Variants in BRWD1 observed in about 807,000 individuals in gnomAD.
BRWD1 encodes the protein bromodomain and WD repeat-containing protein 1.
A neutral mutation model predicts 251.2 loss-of-function variants in BRWD1; 82 were observed. The ratio of observed to expected loss-of-function variants is 0.33; its 90% CI spans 0.27 to 0.39. BRWD1 has a LOEUF of 0.39. Among genes scored for constraint, BRWD1 ranks in the 10% least tolerant of loss-of-function variants. The pLI, the probability that BRWD1 is intolerant of heterozygous loss-of-function variation, is 1.00. For synonymous variants in BRWD1, 918 were observed against 902.8 expected, an observed-to-expected ratio of 1.02 and a Z score of -0.30; for missense variants, 2,233 against 2,711.6, an observed-to-expected ratio of 0.82 and a Z score of 3.92.
rs2035880944 is a variant in BRWD1 at position 39,293,798 on chromosome 21, G to C, written c.831+13C>G. On this transcript the variant is annotated intron_variant, in intron 8 of 40. Coordinates refer to ENST00000342449, the MANE Select transcript of BRWD1 (RefSeq NM_033656.4). The stretch of plus-strand genomic sequence containing the variant: ...ATACATATAGGAATGTGCCCACTAA[G>C]CTACAAGTTTACCTGTAAAGATGTA... The C allele has an allele frequency of 6.2e-7, 1 of 1,604,424 alleles. No homozygotes were observed. The highest frequency in any genetic ancestry group is 1.3e-5 in the African/African-American group (1 of 74,704).
At position 39,194,861 on chromosome 21, in the gene BRWD1, T is replaced by C; in HGVS notation, c.*1398A>G. On this transcript the variant is annotated 3_prime_UTR_variant, in exon 41 of 41. Transcript: ENST00000342449. ...AAGATACACAGGAGAAAAGGGTTAATTTTGTCTGAAATCAAACACAATTAG... is the reference window on the plus strand; with the variant it reads ...AAGATACACAGGAGAAAAGGGTTAACTTTGTCTGAAATCAAACACAATTAG... 6.5e-7 allele frequency: 1 copy of C among 1,532,936 alleles called. No homozygotes were observed. The highest frequency in any genetic ancestry group is 1.7e-4 in the Middle Eastern group (1 of 5,972). 95.0% of individuals were successfully genotyped at this position (1,532,936 alleles called of 1,614,324 possible).
In BRWD1 at chr21:39,214,457, A is replaced by G. The variant is rs73357859; in HGVS notation, c.3785+780T>C. On this transcript the variant is annotated intron_variant, in intron 32 of 40. Coordinates refer to ENST00000342449, the MANE Select transcript of BRWD1 (RefSeq NM_033656.4). ...ATAACTATACTCTATAAAATAAGTA[A>G]CATTCATAAAAATGATGAGGTGATA... Among the ~76,000 whole-genome samples, 607 of 152,318 alleles carry G rather than the reference A, an allele frequency of 4.0e-3. 6 individuals carry two copies. The highest frequency in any genetic ancestry group is 0.014 in the African/African-American group (594 of 41,570).
Position 39,191,146 on chromosome 21 carries a change from G to C in BRWD1, c.*5113C>G. ...CAGGCAGAATCAGAAGTAAATACTT[G>C]TTTTCAATCTACCCTATTACTGTAC... On this transcript the variant is annotated 3_prime_UTR_variant, in exon 41 of 41. Transcript: ENST00000342449. 1 of 985,304 alleles carries C rather than the reference G, an allele frequency of 1.0e-6. No individual in the cohort carries two copies. Among genetic ancestry groups the C allele is most frequent in the Non-Finnish European group, 1.2e-6 (1 of 829,892 alleles). The allele number at this position is 985,304 out of a possible 1,614,324, so 61.0% of individuals were successfully genotyped here. A position where few individuals can be genotyped will look rare whatever the true frequency, so the allele number is the denominator to read the frequency against.
chr21:39,231,450 A>C (rs1462583433), intron 25 of BRWD1, among the ~76,000 whole-genome samples: 1 of 152,222 alleles, frequency 6.6e-6, no homozygotes, highest in Non-Finnish European at 1.5e-5. Flanking sequence ...GATTTGGTTC[A>C]TTCACTATTG....
chr21:39,187,334 C>G lies in BRWD1; in HGVS notation c.*8925G>C. 6.2e-7 allele frequency: 1 copy of G among 1,613,912 alleles called. No individual in the cohort carries two copies. The highest frequency in any genetic ancestry group is 1.3e-5 in the African/African-American group (1 of 75,016). On this transcript the variant is annotated 3_prime_UTR_variant, in exon 41 of 41. Coordinates refer to ENST00000342449, the MANE Select transcript of BRWD1 (RefSeq NM_033656.4). Reference sequence around the variant, plus strand: ...GGTACCATTTTTGCTTTCAGAGTTTCACTAGGCATCTGCACTGCATCCTTC... The same window carrying G: ...GGTACCATTTTTGCTTTCAGAGTTTGACTAGGCATCTGCACTGCATCCTTC...
At position 39,210,944 on chromosome 21, in the gene BRWD1, A is replaced by G. The variant is rs758272137; in HGVS notation, c.3901-15T>C. 1 of 1,606,686 alleles carries G rather than the reference A, an allele frequency of 6.2e-7. No individual in the cohort carries two copies. Among genetic ancestry groups the G allele is most frequent in the Non-Finnish European group, 8.5e-7 (1 of 1,178,096 alleles). On this transcript the variant is annotated splice_polypyrimidine_tract_variant and intron_variant, in intron 34 of 40. Coordinates refer to ENST00000342449, the MANE Select transcript of BRWD1 (RefSeq NM_033656.4). ...CCATCATGGACCTAAAAATACATTC[A>G]CAGTCTTAAGAAAAATCACACTATT... is the stretch of plus-strand genomic sequence containing the variant.
At chr21:39,240,402 G>A (rs1460772698) in intron 21 of BRWD1, among the ~76,000 whole-genome samples, 1 of 152,226 alleles carries the variant, frequency 6.6e-6, no homozygotes, top group African/African-American at 2.4e-5. Flanking sequence ...TCAGAAGCTG[G>A]GAAATCACTT....
chr21:39,223,659 G>C (rs555591528), intron 29 of BRWD1, among the ~76,000 whole-genome samples: 1 of 152,268 alleles, frequency 6.6e-6, no homozygotes, highest in South Asian at 2.1e-4. Flanking sequence ...CAACAGCAGT[G>C]GGATGCTAGC....
intron 17 of BRWD1, among the ~76,000 whole-genome samples, chr21:39,258,939 T>C (rs1322758812): frequency 6.6e-6 from 1 of 152,282 alleles, no homozygotes; most frequent in East Asian, 1.9e-4. Context: ...GAAACATATT[T>C]CTGTAAAACT....
In BRWD1 at chr21:39,229,489, A is replaced by G. The variant is rs756375539; in HGVS notation, c.3001-53T>C. The G allele has an allele frequency of 1.9e-4, 279 of 1,492,308 alleles. 1 individual carries two copies. The highest frequency in any genetic ancestry group is 2.4e-4 in the Non-Finnish European group (260 of 1,083,560). 92.4% of individuals were successfully genotyped at this position (1,492,308 alleles called of 1,614,324 possible). A position where few individuals can be genotyped will look rare whatever the true frequency, so the allele number is the denominator to read the frequency against. ...AAAATAAAAGCAATTCCTTAATACT[A>G]TAATTCTCCACATACTGTTATATTA... On this transcript the variant is annotated intron_variant, in intron 25 of 40. Transcript: ENST00000342449.
chr21:39,216,065 T>G (rs2146508452), intron 31 of BRWD1, among the ~76,000 whole-genome samples: 1 of 152,306 alleles, frequency 6.6e-6, no homozygotes, highest in East Asian at 1.9e-4. Context: ...AAGTGGTTTC[T>G]GATGGGAATG....
chr21:39,190,187 C>G lies in BRWD1; in HGVS notation c.*6072G>C. On this transcript the variant is annotated 3_prime_UTR_variant, in exon 41 of 41. Transcript: ENST00000342449. ...CATAACAGTTCTGACTCAACACAAT[C>G]TCTAGTTTCTACATTTCAAGGATTA... 2.0e-6 allele frequency: 2 copies of G among 984,350 alleles called. No homozygotes were observed. The highest frequency in any genetic ancestry group is 2.4e-6 in the Non-Finnish European group (2 of 829,098). 61.0% of individuals were successfully genotyped at this position (984,350 alleles called of 1,614,324 possible).
rs1182694435 is a variant in BRWD1 at position 39,292,132 on chromosome 21, TGG to T, written c.831+1677_831+1678del. Among the ~76,000 whole-genome samples, 11 of 12,378 alleles carry T rather than the reference TGG, an allele frequency of 8.9e-4. 1 individual carries two copies. Among genetic ancestry groups the T allele is most frequent in the East Asian group, 7.1e-3 (1 of 140 alleles). The allele number at this position is 12,378 out of a possible 152,430, so 8.1% of individuals were successfully genotyped here. ...ATTTTTTGTGGGGGGTGGGTGGGGG[TGG>T]GGGGGGGGGTCTCACTAAGTTGCCC... On this transcript the variant is annotated intron_variant, in intron 8 of 40. Coordinates refer to ENST00000342449, the MANE Select transcript of BRWD1 (RefSeq NM_033656.4).
intron 4 of BRWD1, among the ~76,000 whole-genome samples, chr21:39,299,507 T>C (rs1347766875): frequency 6.6e-6 from 1 of 152,090 alleles, no homozygotes; most frequent in African/African-American, 2.4e-5. Flanking sequence ...TAATTTTAAA[T>C]GAAAAATAAT....
In BRWD1 at chr21:39,199,521, C is replaced by T; in HGVS notation, c.4895G>A (p.Cys1632Tyr). 6.2e-7 allele frequency: 1 copy of T among 1,614,186 alleles called. No homozygotes were observed. Among genetic ancestry groups the T allele is most frequent in the African/African-American group, 1.3e-5 (1 of 75,034 alleles). ...AGNNRKVLRK[C>Y]AAVAANKIKL... ...TATTTTATTGGCAGCCACAGCAGCA[C>T]ACTTCCTTAAGACTTTTCGGTTATT... is the stretch of plus-strand genomic sequence containing the variant. Residue 1632 changes from cysteine (C) to tyrosine (Y), a missense_variant, in exon 40 of 41, where the codon TGT becomes TAT. By Grantham distance (194) the Cys-to-Tyr change is radical. This residue lies in a region of BRWD1 where 928 missense variants were observed against 970.0 expected (regional missense o/e 0.96). Transcript: ENST00000342449.
intron 15 of BRWD1, among the ~76,000 whole-genome samples, chr21:39,269,080 C>T (rs1040254809): frequency 2.0e-5 from 3 of 151,994 alleles, no homozygotes; most frequent in East Asian, 1.9e-4. Context: ...TTCTGGTCTA[C>T]GGAGCAAAAT....
upstream of BRWD1, chr21:39,315,953 A>G (rs1369809613): frequency 1.3e-5 from 2 of 152,222 alleles, no homozygotes; most frequent in African/African-American, 4.8e-5. Flanking sequence ...CAAACAACAG[A>G]GGGCCAAGAC....
At chr21:39,238,425 C>A in intron 22 of BRWD1, 54 bp downstream of exon 22, 1 of 1,394,034 alleles carries the variant, frequency 7.2e-7, no homozygotes, top group Middle Eastern at 1.8e-4. Context: ...AGTATGATTC[C>A]ATCCAAGACT....
chr21:39,265,331 A>G (rs1387166535), intron 15 of BRWD1, among the ~76,000 whole-genome samples: 1 of 152,176 alleles, frequency 6.6e-6, no homozygotes, highest in African/African-American at 2.4e-5. Context: ...AAGCTGAGAC[A>G]CGAGAATCGT....
Sources: gnomAD v4.1 joint callset for allele counts (sites outside exome capture counted in the v4.1 genomes callset) on GRCh38, gnomAD v4.1.1 for gene constraint, gnomAD v4.1.1 regional missense constraint, MANE v1.5 for transcripts, NCBI Gene and HGNC (gene_info 2026-07-23, HGNC 2026-07-21) for gene names.